Variants in GRXCR2 observed in about 807,000 individuals in gnomAD.
GRXCR2 encodes the protein glutaredoxin and cysteine rich domain containing 2.
A neutral mutation model predicts 24.8 loss-of-function variants in GRXCR2; 23 were observed. That is an observed-to-expected ratio of 0.93 (90% CI 0.67 to 1.32). The LOEUF is 1.32. GRXCR2 is among the 40% of genes most tolerant of loss of function. The pLI, the probability that GRXCR2 is intolerant of heterozygous loss-of-function variation, is 0.00. For synonymous variants in GRXCR2, 130 were observed against 116.1 expected (o/e 1.12, Z -0.77); for missense variants, 315 against 303.4 (o/e 1.04, Z -0.28).
In GRXCR2 at chr5:145,872,983, C is replaced by A; in HGVS notation, c.-15G>T. 1 of 1,610,012 alleles carries A rather than the reference C, an allele frequency of 6.2e-7. No individual in the cohort carries two copies. The highest frequency in any genetic ancestry group is 8.5e-7 in the Non-Finnish European group (1 of 1,176,762). On this transcript the variant is annotated 5_prime_UTR_variant, in exon 1 of 3. Coordinates refer to ENST00000377976, the MANE Select transcript of GRXCR2 (RefSeq NM_001080516.2). Reference sequence around the variant, plus strand: ...GGGTCCTCCATCAGCAGAAAGTTGACCCTGTGGTCTCCAGCCTTCCGTGCA... The same window carrying A: ...GGGTCCTCCATCAGCAGAAAGTTGAACCTGTGGTCTCCAGCCTTCCGTGCA...
intron 2 of GRXCR2, among the ~76,000 whole-genome samples, chr5:145,930,063 T>C (rs543010202): frequency 6.6e-6 from 1 of 152,060 alleles, no homozygotes; most frequent in African/African-American, 2.4e-5. Flanking sequence ...GGCTAGTCTT[T>C]ATTTATTTAT....
chr5:145,861,780 A>G (rs986238921), intron 2 of GRXCR2, among the ~76,000 whole-genome samples: 137 of 152,340 alleles, frequency 9.0e-4, no homozygotes, highest in African/African-American at 3.2e-3. Flanking sequence ...AGCTCTGCCC[A>G]ACTCATTCAG....
At chr5:145,906,568 A>C (rs1341512510) in intron 2 of GRXCR2, among the ~76,000 whole-genome samples, 1 of 152,174 alleles carries the variant, frequency 6.6e-6, no homozygotes, top group East Asian at 1.9e-4. Flanking sequence ...TTCCAACAGC[A>C]CTGGAAGTAA....
At chr5:145,882,126 T>C (rs1177977893) in intron 2 of GRXCR2, among the ~76,000 whole-genome samples, 2 of 152,114 alleles carry the variant, frequency 1.3e-5, no homozygotes, top group Non-Finnish European at 2.9e-5. Context: ...ACTTCATGAC[T>C]AAAACACCAA....
intron 1 of GRXCR2, among the ~76,000 whole-genome samples, chr5:145,869,213 G>A (rs421253): frequency 0.062 from 9,485 of 152,184 alleles, 968 homozygotes; most frequent in African/African-American, 0.22. Context: ...ACTGTATGAG[G>A]TTTGCAAGTT....
At chr5:145,883,201 T>A (rs1315579753) in intron 2 of GRXCR2, among the ~76,000 whole-genome samples, 1 of 151,998 alleles carries the variant, frequency 6.6e-6, no homozygotes, top group Non-Finnish European at 1.5e-5. Flanking sequence ...AAAACCTGTA[T>A]AGAAAAGAGA....
intron 2 of GRXCR2, among the ~76,000 whole-genome samples, chr5:145,902,377 A>C (rs1346103551): frequency 6.6e-6 from 1 of 152,180 alleles, no homozygotes; most frequent in Non-Finnish European, 1.5e-5. Context: ...TGCTGAGATT[A>C]TAGAATGTGA....
chr5:145,878,522 AG>A (rs1196029520), intron 2 of GRXCR2, among the ~76,000 whole-genome samples: 14 of 152,188 alleles, frequency 9.2e-5, no homozygotes, highest in African/African-American at 3.4e-4. Flanking sequence ...AAATGAACAA[AG>A]CCTCCGAGAA....
rs1280068041 is a variant in GRXCR2, at chr5:145,872,755, T to C, written c.214A>G (p.Arg72Gly). 2 of 1,614,058 alleles carry C rather than the reference T, an allele frequency of 1.2e-6. No individual in the cohort carries two copies. Among genetic ancestry groups the C allele is most frequent in the Admixed American group, 3.3e-5 (2 of 60,026 alleles). The change falls in exon 1 of 3, where the codon AGG becomes GGG. Residue 72 changes from arginine to glycine, a missense_variant. Arg to Gly is a moderately radical substitution (Grantham distance 125, BLOSUM62 -2). Coordinates refer to ENST00000377976, the MANE Select transcript of GRXCR2 (RefSeq NM_001080516.2). Reference protein sequence around the residue: ...DGVYGSGEVPRPQMCSPKLTA... With the variant: ...DGVYGSGEVPGPQMCSPKLTA... ...AGCTTAGGGGAGCACATCTGGGGCCTGGGGACTTCCCCAGACCCATAAACA... is the reference window on the plus strand; with the variant it reads ...AGCTTAGGGGAGCACATCTGGGGCCCGGGGACTTCCCCAGACCCATAAACA...
chr5:145,923,693 G>A (rs1223380826), intron 2 of GRXCR2, among the ~76,000 whole-genome samples: 2 of 152,082 alleles, frequency 1.3e-5, no homozygotes, highest in Non-Finnish European at 1.5e-5. Context: ...TGTATCACTG[G>A]TATGTATCCT....
At chr5:145,860,779 T>C (rs1756324089) in intron 2 of GRXCR2, among the ~76,000 whole-genome samples, 1 of 152,160 alleles carries the variant, frequency 6.6e-6, no homozygotes, top group South Asian at 2.1e-4. Context: ...AATCTGTTTC[T>C]TTATTTATAG....
At chr5:145,923,796 C>G (rs10463377) in intron 2 of GRXCR2, among the ~76,000 whole-genome samples, 32,015 of 151,978 alleles carry the variant, frequency 0.21, 3,806 homozygotes, top group East Asian at 0.52. Context: ...ACTAATTTAC[C>G]TAGGTATTCC....
At chr5:145,919,734 G>C (rs1434182303) in intron 2 of GRXCR2, among the ~76,000 whole-genome samples, 2 of 152,138 alleles carry the variant, frequency 1.3e-5, no homozygotes, top group East Asian at 3.9e-4. Context: ...TAAGGGTCAG[G>C]GCCTGTGATT....
At chr5:145,885,097 CTGTGTGTGTGTG>C (rs59158357) in intron 2 of GRXCR2, among the ~76,000 whole-genome samples, 1 of 147,718 alleles carries the variant, frequency 6.8e-6, no homozygotes, top group Non-Finnish European at 1.5e-5. Flanking sequence ...GTGTGTGTGT[CTGTGTGTGTGTG>C]TGTGTGTGTG....
At chr5:145,912,537 A>T (rs929041679) in intron 2 of GRXCR2, among the ~76,000 whole-genome samples, 1 of 152,206 alleles carries the variant, frequency 6.6e-6, no homozygotes, top group Non-Finnish European at 1.5e-5. Context: ...ACAGATACGT[A>T]ATAAGCAAAT....
At chr5:145,897,379 A>T (rs1376721227) in intron 2 of GRXCR2, among the ~76,000 whole-genome samples, 2 of 152,166 alleles carry the variant, frequency 1.3e-5, no homozygotes, top group African/African-American at 4.8e-5. Flanking sequence ...GAGAACTTTA[A>T]CACACCACTG....
intron 2 of GRXCR2, among the ~76,000 whole-genome samples, chr5:145,931,146 C>T (rs1757471737): frequency 6.6e-6 from 1 of 152,212 alleles, no homozygotes; most frequent in Non-Finnish European, 1.5e-5. Flanking sequence ...ATCCTCCCAC[C>T]TCAGCCTCCC....
chr5:145,917,590 G>A (rs2149927541), intron 2 of GRXCR2, among the ~76,000 whole-genome samples: 1 of 152,268 alleles, frequency 6.6e-6, no homozygotes, highest in Middle Eastern at 3.4e-3. Context: ...CTGGAAGACA[G>A]TGAGGAATGA....
chr5:145,929,198 CCTAT>C (rs555714443), intron 2 of GRXCR2, among the ~76,000 whole-genome samples: 1,211 of 88,382 alleles, frequency 0.014, 82 homozygotes, highest in Non-Finnish European at 0.013. Context: ...AATATTCCCC[CCTAT>C]ATATATATAT....
Sources: gnomAD v4.1 joint callset for allele counts (sites outside exome capture counted in the v4.1 genomes callset) on GRCh38, gnomAD v4.1.1 for gene constraint, MANE v1.5 for transcripts, NCBI Gene and HGNC (gene_info 2026-07-23, HGNC 2026-07-21) for gene names.